RPL7L1: variants seen among roughly 807,000 people sequenced by gnomAD.
RPL7L1 encodes ribosomal protein uL30-like.
A neutral mutation model predicts 30.3 loss-of-function variants in RPL7L1; 20 were observed. The observed-to-expected ratio is 0.66, with a 90% CI of 0.46 to 0.96. The LOEUF is 0.96. Among genes scored for constraint, RPL7L1 ranks in the 40% least tolerant of loss-of-function variants. The pLI, the probability that RPL7L1 is intolerant of heterozygous loss-of-function variation, is 0.00. For missense variants in RPL7L1, 271 were observed against 314.9 expected (o/e 0.86, Z 1.05); for synonymous variants, 107 against 110.1 (o/e 0.97, Z 0.18).
At chr6:42,883,342 G>A in intron 2 of RPL7L1, 109 bp from the exon 3 acceptor site, 2 of 848,204 alleles carry the variant, frequency 2.4e-6, no homozygotes, top group South Asian at 2.7e-5. Flanking sequence ...GCTTCGCATT[G>A]TGGAACACGG....
rs780765812 is a variant in RPL7L1 at position 42,879,918 on chromosome 6, G to C, written c.8G>C (p.Ser3Thr). Reference protein sequence around the residue: MISSCTTRKMAEQ... With the variant: MITSCTTRKMAEQ... ...CATGTGGTGGGGTTGCGCATGATCAGTAGCTGCACCACTAGAAAGATGGCG... is the reference window on the plus strand; with the variant it reads ...CATGTGGTGGGGTTGCGCATGATCACTAGCTGCACCACTAGAAAGATGGCG... The change falls in exon 1 of 6, where the codon AGT becomes ACT. Residue 3 changes from serine to threonine, a missense_variant. By Grantham distance (58) the Ser-to-Thr change is moderately conservative (BLOSUM62 1). Transcript: ENST00000493763. 1.9e-6 allele frequency: 3 copies of C among 1,613,980 alleles called. No individual in the cohort carries two copies. The highest frequency in any genetic ancestry group is 2.7e-5 in the African/African-American group (2 of 74,922).
chr6:42,879,977 T>G, intron 1 of RPL7L1, 26 bp downstream of exon 1: 1 of 1,611,900 alleles, frequency 6.2e-7, no homozygotes, highest in Non-Finnish European at 8.5e-7. Context: ...TTTGAATATC[T>G]GGAGTGGGGT....
At chr6:42,884,783 G>C (rs2114084686) in intron 4 of RPL7L1, 33 bp downstream of exon 4, 2 of 1,600,768 alleles carry the variant, frequency 1.2e-6, no homozygotes, top group Non-Finnish European at 1.7e-6. Flanking sequence ...ATTCACATTA[G>C]ATTTCTATTT....
rs550591623 is a variant in RPL7L1, at chr6:42,879,617, T to C, written c.-294T>C. 3 of 291,140 alleles carry C rather than the reference T, an allele frequency of 1.0e-5. No homozygotes were observed. The highest frequency in any genetic ancestry group is 6.6e-5 in the East Asian group (1 of 15,052). 18.0% of individuals were successfully genotyped at this position (291,140 alleles called of 1,614,324 possible). On this transcript the variant is annotated 5_prime_UTR_variant, in exon 1 of 6. Transcript: ENST00000493763. ...CAGCCGCGCCGGAAGTGCGGCGCCG[T>C]AGCTAGGAGCGGACGCCATAGGTGC...
rs528094353 is a variant in RPL7L1, at chr6:42,883,718, A to T, written c.311+104A>T. The T allele has an allele frequency of 3.5e-5, 32 of 905,080 alleles. No individual in the cohort carries two copies. The African/African-American group carries it at 5.4e-4, about 15-fold the overall frequency. 56.1% of individuals were successfully genotyped at this position (905,080 alleles called of 1,614,324 possible). On this transcript the variant is annotated intron_variant, in intron 3 of 5. Transcript: ENST00000493763. Reference sequence around the variant, plus strand: ...TAATATGCCCCAAGCCACTCAGGCAAATTGTGCTAGGATGTCAGGGTTGAG... The same window carrying T: ...TAATATGCCCCAAGCCACTCAGGCATATTGTGCTAGGATGTCAGGGTTGAG...
chr6:42,881,076 A>G (rs920889086), intron 2 of RPL7L1, 110 bp downstream of exon 2: 2 of 677,482 alleles, frequency 3.0e-6, no homozygotes, highest in African/African-American at 3.6e-5. Context: ...ACGGTTTGAC[A>G]GACCAGGTAT....
chr6:42,888,238 TCCA>T lies in RPL7L1; in HGVS notation c.*1777_*1779del, dbSNP rs1455916663. On this transcript the variant is annotated 3_prime_UTR_variant, in exon 6 of 6. Transcript: ENST00000493763. ...GGCATGATCTCAGCTCATTGCAGCC[TCCA>T]CCTCCTGGGTTCAAGTGATTCTGCC... is the stretch of plus-strand genomic sequence containing the variant. The T allele has an allele frequency of 6.6e-6, 1 of 152,268 alleles. No individual in the cohort carries two copies. The highest frequency in any genetic ancestry group is 1.5e-5 in the Non-Finnish European group (1 of 68,088). The allele number at this position is 152,268 out of a possible 1,614,324, so 9.4% of individuals were successfully genotyped here.
In RPL7L1 at chr6:42,889,826, T is replaced by A. The variant is rs1035326000; in HGVS notation, c.*3362T>A. 2.0e-5 allele frequency: 3 copies of A among 152,214 alleles called. No individual in the cohort carries two copies. Among genetic ancestry groups the A allele is most frequent in the African/African-American group, 4.8e-5 (2 of 41,456 alleles). 9.4% of individuals were successfully genotyped at this position (152,214 alleles called of 1,614,324 possible). On this transcript the variant is annotated 3_prime_UTR_variant, in exon 6 of 6. Coordinates refer to ENST00000493763, the MANE Select transcript of RPL7L1 (RefSeq NM_001366481.3). ...GACTAAGTTGACGAAAAATAAATTT[T>A]AAAAAACCTAATAAAACAAGTTTGT...
Position 42,888,335 on chromosome 6 carries a change from A to G in RPL7L1, c.*1871A>G, listed in dbSNP as rs908786756. 1.3e-5 allele frequency: 2 copies of G among 152,172 alleles called. No individual in the cohort carries two copies. The highest frequency in any genetic ancestry group is 2.4e-5 in the African/African-American group (1 of 41,432). The allele number at this position is 152,172 out of a possible 1,614,324, so 9.4% of individuals were successfully genotyped here. A position where few individuals can be genotyped will look rare whatever the true frequency, so the allele number is the denominator to read the frequency against. ...CCCAGCTAATTCTTGTATTTTTAGT[A>G]GAGATGGAGACAGAGTTTCACCATG... On this transcript the variant is annotated 3_prime_UTR_variant, in exon 6 of 6. Transcript: ENST00000493763.
intron 4 of RPL7L1, among the ~76,000 whole-genome samples, chr6:42,885,103 G>T (rs182876278): frequency 6.6e-6 from 1 of 152,194 alleles, no homozygotes; most frequent in Non-Finnish European, 1.5e-5. Flanking sequence ...GCCGAGGCGG[G>T]TGGATCACAC....
rs2114093747 is a variant in RPL7L1, at chr6:42,889,563, G to T, written c.*3099G>T. 2 of 152,554 alleles carry T rather than the reference G, an allele frequency of 1.3e-5. No homozygotes were observed. The highest frequency in any genetic ancestry group is 3.4e-3 in the Middle Eastern group (1 of 292). The allele number at this position is 152,554 out of a possible 1,614,324, so 9.5% of individuals were successfully genotyped here. A position where few individuals can be genotyped will look rare whatever the true frequency, so the allele number is the denominator to read the frequency against. ...TATACTGTAAAACATTGTGAAATCA[G>T]ATTACTTTAAAATGATGTATTACAA... On this transcript the variant is annotated 3_prime_UTR_variant, in exon 6 of 6. Transcript: ENST00000493763.
At position 42,883,610 on chromosome 6, in the gene RPL7L1, G is replaced by A. The variant is rs780761819; in HGVS notation, c.307G>A (p.Glu103Lys). 41 of 1,589,020 alleles carry A rather than the reference G, an allele frequency of 2.6e-5. No individual in the cohort carries two copies. In the Admixed American group the frequency reaches 2.6e-4, roughly 10 times the overall value. Residue 103 changes from glutamate to lysine, a missense_variant, in exon 3 of 6, where the codon GAA (glutamate) becomes AAA (lysine). Coordinates refer to ENST00000493763, the MANE Select transcript of RPL7L1 (RefSeq NM_001366481.3). The stretch of plus-strand genomic sequence containing the variant: ...TTCCTTGGCCTTTGTTGTACGCATC[G>A]AAAGGTAAGGAACTGGTGTCTTTCT... ...KHSLAFVVRIERIDGVSLLVQ... is the reference protein window; with the variant it reads ...KHSLAFVVRIKRIDGVSLLVQ...
chr6:42,886,291 C>G lies in RPL7L1; in HGVS notation c.595C>G (p.His199Asp), dbSNP rs1237667545. 6.2e-7 allele frequency: 1 copy of G among 1,611,492 alleles called. No homozygotes were observed. Among genetic ancestry groups the G allele is most frequent in the African/African-American group, 1.3e-5 (1 of 74,836 alleles). Residue 199 changes from histidine to aspartate, a missense_variant, in exon 6 of 6, where the codon CAT becomes GAT. His to Asp is a moderately conservative substitution (Grantham distance 81). Transcript: ENST00000493763. ...FGVICLEDLI[H>D]EIAFPGKHFQ... ...CGTCATTTGCTTGGAAGACCTCATT[C>G]ATGAAATTGCCTTCCCAGGGAAGCA...
Position 42,888,627 on chromosome 6 carries a change from C to G in RPL7L1, c.*2163C>G, listed in dbSNP as rs1368710007. ...CCTGCACCATCTGTAACTCAGAAAT[C>G]CCCACCATTTCTTCCCCTGGGCTTC... On this transcript the variant is annotated 3_prime_UTR_variant, in exon 6 of 6. Coordinates refer to ENST00000493763, the MANE Select transcript of RPL7L1 (RefSeq NM_001366481.3). The G allele has an allele frequency of 6.6e-6, 1 of 152,010 alleles. No individual in the cohort carries two copies. Among genetic ancestry groups the G allele is most frequent in the Non-Finnish European group, 1.5e-5 (1 of 67,980 alleles). 9.4% of individuals were successfully genotyped at this position (152,010 alleles called of 1,614,324 possible).
chr6:42,886,151 T>A, intron 5 of RPL7L1, 68 bp downstream of exon 5: 1 of 1,375,814 alleles, frequency 7.3e-7, no homozygotes, highest in South Asian at 1.2e-5. Flanking sequence ...GATGTGAGAT[T>A]CAGGTTGTAT....
At position 42,883,722 on chromosome 6, in the gene RPL7L1, G is replaced by A; in HGVS notation, c.311+108G>A. 2 of 837,158 alleles carry A rather than the reference G, an allele frequency of 2.4e-6. 1 individual carries two copies. The highest frequency in any genetic ancestry group is 3.8e-5 in the South Asian group (2 of 52,552). The allele number at this position is 837,158 out of a possible 1,614,324, so 51.9% of individuals were successfully genotyped here. A position where few individuals can be genotyped will look rare whatever the true frequency, so the allele number is the denominator to read the frequency against. Reference sequence around the variant, plus strand: ...ATGCCCCAAGCCACTCAGGCAAATTGTGCTAGGATGTCAGGGTTGAGCACA... The same window carrying A: ...ATGCCCCAAGCCACTCAGGCAAATTATGCTAGGATGTCAGGGTTGAGCACA... On this transcript the variant is annotated intron_variant, in intron 3 of 5. Coordinates refer to ENST00000493763, the MANE Select transcript of RPL7L1 (RefSeq NM_001366481.3).
intron 2 of RPL7L1, 66 bp downstream of exon 2, chr6:42,881,032 T>G (rs2114076821): frequency 1.2e-6 from 1 of 855,106 alleles, no homozygotes; most frequent in South Asian, 1.4e-5. Context: ...CCCGCATGTG[T>G]TGGACTACAT....
chr6:42,884,406 A>C (rs1006063355), intron 3 of RPL7L1, among the ~76,000 whole-genome samples: 4 of 152,152 alleles, frequency 2.6e-5, no homozygotes, highest in African/African-American at 9.7e-5. Flanking sequence ...AACACACACA[A>C]GTTCAATTTC....
chr6:42,886,364 C>T lies in RPL7L1; in HGVS notation c.668C>T (p.Ala223Val), dbSNP rs765644044. Reference sequence around the variant, plus strand: ...TTGTGCCCTTTCCACCTCTCAGTGGCCCGTCATGCTACCAAAAATAGAGTG... The same window carrying T: ...TTGTGCCCTTTCCACCTCTCAGTGGTCCGTCATGCTACCAAAAATAGAGTG... The part of the protein sequence containing the change: ...WFLCPFHLSV[A>V]RHATKNRVGF... The change falls in exon 6 of 6, where the codon GCC becomes GTC. Residue 223 changes from alanine (A) to valine (V), a missense_variant. Physicochemically the swap from Ala to Val is moderately conservative, Grantham distance 64. Transcript: ENST00000493763. 4 of 1,601,800 alleles carry T rather than the reference C, an allele frequency of 2.5e-6. No individual in the cohort carries two copies. Among genetic ancestry groups the T allele is most frequent in the Non-Finnish European group, 8.5e-7 (1 of 1,179,552 alleles).
Sources: allele counts gnomAD v4.1 joint callset (sites outside exome capture counted in the v4.1 genomes callset), GRCh38; gene constraint gnomAD v4.1.1; transcripts MANE v1.5; gene names NCBI Gene and HGNC (gene_info 2026-07-23, HGNC 2026-07-21).